The following CAMKMT variants were observed in gnomAD, a reference collection of about 807,000 sequenced individuals.
CAMKMT encodes the protein CaM KMT.
CAMKMT carries 53 observed loss-of-function variants against 48.0 expected under a neutral mutation model. That is an observed-to-expected ratio of 1.10 (90% CI 0.89 to 1.39). The LOEUF is 1.39. Ranked by LOEUF, CAMKMT falls within the 40% of genes most tolerant of loss-of-function variation. The pLI is 0.00. For missense variants in CAMKMT, 428 were observed against 402.7 expected (o/e 1.06, Z -0.54); for synonymous variants, 165 against 152.3 (o/e 1.08, Z -0.61).
At chr2:44,417,709 G>A (rs1572823750) in intron 3 of CAMKMT, among the ~76,000 whole-genome samples, 1 of 152,114 alleles carries the variant, frequency 6.6e-6, no homozygotes, top group African/African-American at 2.4e-5. Context: ...TCACATTTTT[G>A]CTAATGCTTG....
chr2:44,437,997 TACAG>T lies in CAMKMT; in HGVS notation c.376+47697_376+47700del, dbSNP rs1666386591. ...ACTGGTTTTTTAATAAAGTAAAAAA[TACAG>T]ACAGCTTCTTATTCCATGTTCTAAG... is the stretch of plus-strand genomic sequence containing the variant. On this transcript the variant is annotated intron_variant, in intron 3 of 10. Coordinates refer to ENST00000378494, the MANE Select transcript of CAMKMT (RefSeq NM_024766.5). Among the ~76,000 whole-genome samples, 6 of 152,212 alleles carry T rather than the reference TACAG, an allele frequency of 3.9e-5. 1 individual carries two copies. In the South Asian group the frequency reaches 1.2e-3, roughly 32 times the overall value.
intron 3 of CAMKMT, among the ~76,000 whole-genome samples, chr2:44,537,013 C>G (rs534815717): frequency 4.6e-5 from 7 of 152,198 alleles, no homozygotes; most frequent in African/African-American, 1.7e-4. Context: ...AAAGCCAACT[C>G]CAGATGGATT....
At chr2:44,374,494 G>C (rs1024792010) in intron 2 of CAMKMT, among the ~76,000 whole-genome samples, 2 of 152,308 alleles carry the variant, frequency 1.3e-5, no homozygotes, top group African/African-American at 4.8e-5. Flanking sequence ...GCATCCACTG[G>C]TGAAAAGAGA....
chr2:44,692,252 T>A (rs971638093), intron 3 of CAMKMT, among the ~76,000 whole-genome samples: 16 of 151,266 alleles, frequency 1.1e-4, no homozygotes, highest in African/African-American at 2.9e-4. Flanking sequence ...TTTCTGTTTT[T>A]AATAGTAAAA....
At chr2:44,442,622 T>A (rs1377367266) in intron 3 of CAMKMT, among the ~76,000 whole-genome samples, 1 of 152,214 alleles carries the variant, frequency 6.6e-6, no homozygotes, top group Non-Finnish European at 1.5e-5. Context: ...CTCCTCTTAA[T>A]TCTCTGACCG....
intron 3 of CAMKMT, among the ~76,000 whole-genome samples, chr2:44,692,560 C>T (rs995616077): frequency 6.6e-6 from 1 of 152,204 alleles, no homozygotes; most frequent in South Asian, 2.1e-4. Flanking sequence ...TTAATCACTG[C>T]TGTATCCTCA....
At chr2:44,721,342 A>AT (rs1301290082) in intron 7 of CAMKMT, among the ~76,000 whole-genome samples, 3 of 152,156 alleles carry the variant, frequency 2.0e-5, no homozygotes, top group African/African-American at 7.2e-5. Flanking sequence ...ACTTTAGCAG[A>AT]TATCTTTTCA....
intron 3 of CAMKMT, among the ~76,000 whole-genome samples, chr2:44,687,474 C>T (rs1442914760): frequency 6.6e-6 from 1 of 152,160 alleles, no homozygotes; most frequent in East Asian, 1.9e-4. Context: ...ATTATTTCTC[C>T]TTTGAAGGGA....
chr2:44,389,321 A>G (rs1033213764), intron 2 of CAMKMT, among the ~76,000 whole-genome samples: 1 of 151,806 alleles, frequency 6.6e-6, no homozygotes, highest in Non-Finnish European at 1.5e-5. Flanking sequence ...AAATATAGTC[A>G]CCTTTCGAGG....
At chr2:44,752,493 C>A (rs1680195652) in intron 8 of CAMKMT, among the ~76,000 whole-genome samples, 1 of 152,146 alleles carries the variant, frequency 6.6e-6, no homozygotes, top group South Asian at 2.1e-4. Flanking sequence ...GTTCTGCATG[C>A]CTTCGGCACA....
intron 3 of CAMKMT, among the ~76,000 whole-genome samples, chr2:44,596,792 T>C (rs2103841407): frequency 6.6e-6 from 1 of 152,254 alleles, no homozygotes; most frequent in East Asian, 1.9e-4. Context: ...AAAAACTCTG[T>C]CAGGAGACTA....
At chr2:44,545,445 T>C (rs1279486377) in intron 3 of CAMKMT, among the ~76,000 whole-genome samples, 5 of 152,238 alleles carry the variant, frequency 3.3e-5, no homozygotes, top group Admixed American at 1.3e-4. Context: ...TGAGTCATAA[T>C]ACATGTACCC....
intron 3 of CAMKMT, among the ~76,000 whole-genome samples, chr2:44,667,185 CA>C (rs1675036396): frequency 6.6e-6 from 1 of 152,164 alleles, no homozygotes; most frequent in African/African-American, 2.4e-5. Flanking sequence ...CTTTAGGATC[CA>C]ACAGTTCCCT....
chr2:44,619,146 A>G (rs544212451), intron 3 of CAMKMT, among the ~76,000 whole-genome samples: 13 of 152,336 alleles, frequency 8.5e-5, no homozygotes, highest in Non-Finnish European at 1.6e-4. Context: ...TGGAAACAGG[A>G]TATCTTTGAG....
rs1558726150 is a variant in CAMKMT, at chr2:44,589,590, A to T, written c.377-114693A>T. 5.2e-5 allele frequency among the ~76,000 whole-genome samples: 4 copies of T among 77,060 alleles called. 2 individuals carry two copies. Among genetic ancestry groups the T allele is most frequent in the Non-Finnish European group, 1.1e-4 (4 of 35,746 alleles). The allele number at this position is 77,060 out of a possible 152,430, so 50.6% of individuals were successfully genotyped here. On this transcript the variant is annotated intron_variant, in intron 3 of 10. Transcript: ENST00000378494. ...CTGTTGATCTGTGACCTTATCCCCA[A>T]CCCTGTGCTCTCTGAAACATGTGCT...
At chr2:44,692,018 A>G (rs1676683426) in intron 3 of CAMKMT, among the ~76,000 whole-genome samples, 1 of 152,138 alleles carries the variant, frequency 6.6e-6, no homozygotes, top group African/African-American at 2.4e-5. Flanking sequence ...AAGCGGGAGG[A>G]CAAGTATAGA....
intron 3 of CAMKMT, among the ~76,000 whole-genome samples, chr2:44,540,084 C>G (rs894183625): frequency 2.0e-5 from 3 of 151,958 alleles, no homozygotes; most frequent in Non-Finnish European, 4.4e-5. Flanking sequence ...GCCAAATTGT[C>G]CCTTCTACAT....
chr2:44,403,518 A>C (rs929948121), intron 3 of CAMKMT, among the ~76,000 whole-genome samples: 1 of 152,208 alleles, frequency 6.6e-6, no homozygotes, highest in Non-Finnish European at 1.5e-5. Context: ...CTACTCGTAG[A>C]CATGTAACTC....
chr2:44,647,270 G>A (rs1673787042), intron 3 of CAMKMT, among the ~76,000 whole-genome samples: 1 of 152,074 alleles, frequency 6.6e-6, no homozygotes, highest in Admixed American at 6.5e-5. Context: ...TTTCTTTGTT[G>A]TACCTTCCTT....
Sources: gnomAD v4.1 joint callset for allele counts (sites outside exome capture counted in the v4.1 genomes callset) on GRCh38, gnomAD v4.1.1 for gene constraint, MANE v1.5 for transcripts, NCBI Gene and HGNC (gene_info 2026-07-23, HGNC 2026-07-21) for gene names.